Variants in TMEM132D observed in about 807,000 individuals in gnomAD.
TMEM132D encodes the protein transmembrane protein 132D.
A neutral mutation model predicts 62.3 loss-of-function variants in TMEM132D; 21 were observed. The ratio of observed to expected loss-of-function variants is 0.34; its 90% confidence interval spans 0.24 to 0.49. TMEM132D has a LOEUF of 0.49. Ranked by LOEUF, TMEM132D falls within the 20% of genes least tolerant of loss-of-function variation. The pLI is 0.99. For synonymous variants in TMEM132D, 621 were observed against 575.6 expected (o/e 1.08, Z -1.13); for missense variants, 1,346 against 1,402.8 (o/e 0.96, Z 0.65).
chr12:129,318,931 C>T (rs1868579401), intron 4 of TMEM132D, among the ~76,000 whole-genome samples: 1 of 152,126 alleles, frequency 6.6e-6, no homozygotes, highest in South Asian at 2.1e-4. Context: ...AGGCCTCAGC[C>T]AGCTCCCACA....
At chr12:129,336,793 C>T (rs967767335) in intron 4 of TMEM132D, among the ~76,000 whole-genome samples, 1 of 152,082 alleles carries the variant, frequency 6.6e-6, no homozygotes, top group Non-Finnish European at 1.5e-5. Context: ...AGCATGCAGC[C>T]GGGCCTGGGC....
chr12:129,777,539 C>T (rs1424135186), intron 1 of TMEM132D, among the ~76,000 whole-genome samples: 3 of 152,184 alleles, frequency 2.0e-5, no homozygotes, highest in Non-Finnish European at 4.4e-5. Flanking sequence ...CAGCAAGCTA[C>T]TGCAACTACT....
intron 2 of TMEM132D, among the ~76,000 whole-genome samples, chr12:129,681,187 G>A (rs1040934014): frequency 3.3e-5 from 5 of 152,096 alleles, no homozygotes; most frequent in African/African-American, 1.2e-4. Flanking sequence ...CTTGCAAGTG[G>A]GGCTGATTAG....
At chr12:129,447,038 T>A (rs1408004022) in intron 3 of TMEM132D, among the ~76,000 whole-genome samples, 1 of 152,140 alleles carries the variant, frequency 6.6e-6, no homozygotes, top group Non-Finnish European at 1.5e-5. Flanking sequence ...ATCCTGCTAC[T>A]CACACCAGAG....
intron 4 of TMEM132D, among the ~76,000 whole-genome samples, chr12:129,258,306 G>T (rs1880462378): frequency 4.6e-5 from 7 of 151,952 alleles, no homozygotes; most frequent in Admixed American, 4.6e-4. Context: ...TGCTAGCAAA[G>T]ATAATTATTA....
intron 2 of TMEM132D, among the ~76,000 whole-genome samples, chr12:129,586,940 A>G (rs11060452): frequency 0.3 from 45,557 of 152,146 alleles, 8,637 homozygotes; most frequent in Non-Finnish European, 0.43. Flanking sequence ...AAGCCCACTG[A>G]CTTCACACAG....
intron 5 of TMEM132D, among the ~76,000 whole-genome samples, chr12:129,167,778 AG>A (rs1441542537): frequency 2.6e-5 from 4 of 152,004 alleles, no homozygotes; most frequent in Admixed American, 2.0e-4. Flanking sequence ...CCCAATTGGG[AG>A]GCCCCCACAA....
intron 1 of TMEM132D, among the ~76,000 whole-genome samples, chr12:129,855,132 C>G (rs1873689826): frequency 7.8e-6 from 1 of 128,688 alleles, no homozygotes; most frequent in African/African-American, 2.9e-5. Flanking sequence ...GCCCTTGTAA[C>G]AGAGTCCGGG....
chr12:129,424,308 T>C (rs1162559133), intron 3 of TMEM132D, among the ~76,000 whole-genome samples: 6 of 152,314 alleles, frequency 3.9e-5, no homozygotes, highest in Non-Finnish European at 1.5e-5. Context: ...ACACCAAGAA[T>C]GTAGGTGGTC....
At chr12:129,253,904 A>G (rs770787028) in intron 4 of TMEM132D, among the ~76,000 whole-genome samples, 6 of 152,226 alleles carry the variant, frequency 3.9e-5, no homozygotes, top group Non-Finnish European at 5.9e-5. Flanking sequence ...AATCCTTTTG[A>G]ATCTAAAAAG....
At chr12:129,497,667 TG>T (rs1201623201) in intron 3 of TMEM132D, among the ~76,000 whole-genome samples, 1 of 152,134 alleles carries the variant, frequency 6.6e-6, no homozygotes, top group East Asian at 1.9e-4. Context: ...TATTTGATTT[TG>T]TTTTTTTTTT....
At chr12:129,411,743 T>A (rs1250156569) in intron 3 of TMEM132D, among the ~76,000 whole-genome samples, 1 of 152,314 alleles carries the variant, frequency 6.6e-6, no homozygotes, top group East Asian at 1.9e-4. Flanking sequence ...GGACAAAACA[T>A]CTCTCAGCTC....
intron 3 of TMEM132D, among the ~76,000 whole-genome samples, chr12:129,352,549 TAAAC>T (rs1232387361): frequency 6.6e-6 from 1 of 151,588 alleles, no homozygotes; most frequent in Non-Finnish European, 1.5e-5. Flanking sequence ...ACAAGGAACT[TAAAC>T]AAATTTACAA....
chr12:129,656,234 G>T (rs1880069795), intron 2 of TMEM132D, among the ~76,000 whole-genome samples: 1 of 151,350 alleles, frequency 6.6e-6, no homozygotes, highest in East Asian at 1.9e-4. Flanking sequence ...GGGAGAAAAA[G>T]GAGAGAAGGA....
intron 3 of TMEM132D, among the ~76,000 whole-genome samples, chr12:129,457,404 C>A (rs1459099506): frequency 1.5e-5 from 2 of 132,998 alleles, no homozygotes; most frequent in South Asian, 5.4e-4. Context: ...AACACATGGA[C>A]ACAGGAAGGG....
At position 129,074,522 on chromosome 12, in the gene TMEM132D, G is replaced by C. The variant is rs2135603475; in HGVS notation, c.2653C>G (p.Leu885Val). ...NSHLQTIPSD[L>V]TSFPAQVDLP... ...TCCACCTGGGCTGGGAAGCTGGTGA[G>C]GTCGCTGGGGATGGTCTGCAAGTGG... The change falls in exon 9 of 9, where the codon CTC becomes GTC. Residue 885 changes from leucine to valine, a missense_variant. By Grantham distance (32) the Leu-to-Val change is conservative. Transcript: ENST00000422113. 1 of 1,614,108 alleles carries C rather than the reference G, an allele frequency of 6.2e-7. No individual in the cohort carries two copies. Among genetic ancestry groups the C allele is most frequent in the Non-Finnish European group, 8.5e-7 (1 of 1,180,034 alleles).
At chr12:129,163,856 G>A (rs1424557892) in intron 5 of TMEM132D, among the ~76,000 whole-genome samples, 1 of 152,148 alleles carries the variant, frequency 6.6e-6, no homozygotes, top group Admixed American at 6.5e-5. Context: ...TTCTAATCCA[G>A]GCTTATCTTG....
At chr12:129,125,583 C>T (rs935789689) in intron 5 of TMEM132D, among the ~76,000 whole-genome samples, 1 of 150,550 alleles carries the variant, frequency 6.6e-6, no homozygotes, top group Non-Finnish European at 1.5e-5. Flanking sequence ...CAGCTCACTG[C>T]AGCCTCAACC....
rs1048115273 is a variant in TMEM132D at position 129,150,539 on chromosome 12, T to C, written c.1443+58981A>G. Among the ~76,000 whole-genome samples, 4 of 152,326 alleles carry C rather than the reference T, an allele frequency of 2.6e-5. No individual in the cohort carries two copies. The Middle Eastern group carries it at 0.01, about 389-fold the overall frequency. On this transcript the variant is annotated intron_variant, in intron 5 of 8. Coordinates refer to ENST00000422113, the MANE Select transcript of TMEM132D (RefSeq NM_133448.3). ...AAGTGAGGTGATTTTACTAGCCCCATTTCACAGAAGAGGAGACTGAGGCTT... is the reference window on the plus strand; with the variant it reads ...AAGTGAGGTGATTTTACTAGCCCCACTTCACAGAAGAGGAGACTGAGGCTT...
Sources: gnomAD v4.1 joint callset for allele counts (sites outside exome capture counted in the v4.1 genomes callset) on GRCh38, gnomAD v4.1.1 for gene constraint, MANE v1.5 for transcripts, NCBI Gene and HGNC (gene_info 2026-07-23, HGNC 2026-07-21) for gene names.